The following GOLM2 variants were observed in gnomAD, a reference collection of about 807,000 sequenced individuals.
GOLM2 encodes golgi membrane protein 2.
Under a neutral mutation model 55.9 loss-of-function variants are expected in GOLM2, and 26 were observed. The ratio of observed to expected loss-of-function variants is 0.47; its 90% confidence interval spans 0.34 to 0.65. The LOEUF is 0.65. Ranked by LOEUF, GOLM2 falls within the 30% of genes least tolerant of loss-of-function variation. The probability of loss-of-function intolerance (pLI) is 0.01; values close to 1 mark genes in which losing one functional copy is unlikely to be tolerated. For missense variants in GOLM2, 486 were observed against 531.8 expected (o/e 0.91, Z 0.85); for synonymous variants, 165 against 194.6 (o/e 0.85, Z 1.27).
At chr15:44,369,776 G>A (rs2079317961) in intron 6 of GOLM2, among the ~76,000 whole-genome samples, 1 of 151,026 alleles carries the variant, frequency 6.6e-6, no homozygotes, top group Non-Finnish European at 1.5e-5. Context: ...GGATGACAAA[G>A]CAAGACTCCA....
intron 9 of GOLM2, among the ~76,000 whole-genome samples, chr15:44,403,276 C>T (rs1259093263): frequency 6.6e-6 from 1 of 152,180 alleles, no homozygotes; most frequent in Non-Finnish European, 1.5e-5. Flanking sequence ...GATTCTCCTG[C>T]CTCAGCCTCC....
intron 8 of GOLM2, among the ~76,000 whole-genome samples, chr15:44,392,207 T>A (rs898541303): frequency 6.6e-6 from 1 of 151,612 alleles, no homozygotes; most frequent in Non-Finnish European, 1.5e-5. Flanking sequence ...TTTCAGAGAA[T>A]TGAAAAGGAA....
chr15:44,292,651 T>C (rs1194310407), intron 1 of GOLM2, among the ~76,000 whole-genome samples: 2 of 152,170 alleles, frequency 1.3e-5, no homozygotes, highest in African/African-American at 4.8e-5. Flanking sequence ...CAGCACTTGG[T>C]GTGCCACTTC....
Position 44,288,802 on chromosome 15 carries a change from G to C in GOLM2, c.-228G>C. On this transcript the variant is annotated 5_prime_UTR_variant, in exon 1 of 10. Coordinates refer to ENST00000299957, the MANE Select transcript of GOLM2 (RefSeq NM_138423.4). ...GTTCCCTTGGGCAGGTGCAGGGTCG[G>C]GTTCAAAGCCTCCGGAACGCGTTTT... 3.5e-6 allele frequency: 2 copies of C among 565,538 alleles called. No individual in the cohort carries two copies. Among genetic ancestry groups the C allele is most frequent in the Non-Finnish European group, 6.2e-6 (2 of 321,490 alleles). 35.0% of individuals were successfully genotyped at this position (565,538 alleles called of 1,614,324 possible). A position where few individuals can be genotyped will look rare whatever the true frequency, so the allele number is the denominator to read the frequency against.
intron 1 of GOLM2, among the ~76,000 whole-genome samples, chr15:44,298,209 C>T (rs565338908): frequency 6.6e-6 from 1 of 151,626 alleles, no homozygotes; most frequent in African/African-American, 2.4e-5. Context: ...TCCATGTCCA[C>T]TATGAAGCCC....
At chr15:44,313,091 A>G (rs529677547) in intron 1 of GOLM2, among the ~76,000 whole-genome samples, 3 of 151,170 alleles carry the variant, frequency 2.0e-5, no homozygotes, top group Admixed American at 6.6e-5. Flanking sequence ...AAAAAAAAAA[A>G]TACAAAAATT....
chr15:44,392,538 G>A (rs1412447484), intron 8 of GOLM2, among the ~76,000 whole-genome samples: 2 of 151,692 alleles, frequency 1.3e-5, no homozygotes, highest in African/African-American at 2.4e-5. Context: ...CTGGAGAATC[G>A]CTTGAACCCG....
At chr15:44,337,342 C>T (rs920393203) in intron 4 of GOLM2, among the ~76,000 whole-genome samples, 21 of 151,928 alleles carry the variant, frequency 1.4e-4, no homozygotes, top group Admixed American at 7.2e-4. Context: ...TGAAGAGGCA[C>T]CTGTGTACCA....
intron 1 of GOLM2, among the ~76,000 whole-genome samples, chr15:44,322,545 T>C (rs1300760857): frequency 6.6e-6 from 1 of 152,212 alleles, no homozygotes; most frequent in African/African-American, 2.4e-5. Context: ...GTTAGTTCCC[T>C]GTCTACGAGG....
chr15:44,313,874 G>T (rs1446884817), intron 1 of GOLM2, among the ~76,000 whole-genome samples: 1 of 152,000 alleles, frequency 6.6e-6, no homozygotes, highest in Non-Finnish European at 1.5e-5. Flanking sequence ...ATGAATGAGT[G>T]AATGAAAAAA....
intron 6 of GOLM2, among the ~76,000 whole-genome samples, chr15:44,357,168 C>A (rs917089540): frequency 1.3e-5 from 2 of 151,862 alleles, no homozygotes; most frequent in African/African-American, 4.8e-5. Flanking sequence ...TCCCCACCAC[C>A]ACCCGCCCCC....
At chr15:44,318,749 T>G (rs115543160) in intron 1 of GOLM2, among the ~76,000 whole-genome samples, 1,536 of 152,068 alleles carry the variant, frequency 0.01, 25 homozygotes, top group African/African-American at 0.035. Context: ...TTTTACTACC[T>G]TGTTAAAAGA....
At chr15:44,370,983 C>A (rs1009841571) in intron 6 of GOLM2, among the ~76,000 whole-genome samples, 5 of 152,194 alleles carry the variant, frequency 3.3e-5, no homozygotes, top group Admixed American at 2.0e-4. Context: ...CTGTTCAGCT[C>A]TCAGCCCTAT....
intron 6 of GOLM2, among the ~76,000 whole-genome samples, chr15:44,342,464 G>T (rs1477199942): frequency 6.6e-6 from 1 of 151,906 alleles, no homozygotes; most frequent in East Asian, 1.9e-4. Context: ...ACAGGGTGTC[G>T]TTATGTTATC....
chr15:44,328,438 A>G (rs1002203406), intron 2 of GOLM2, among the ~76,000 whole-genome samples: 1 of 152,238 alleles, frequency 6.6e-6, no homozygotes, highest in African/African-American at 2.4e-5. Flanking sequence ...AGATTGCACC[A>G]CTGCACTCTA....
intron 1 of GOLM2, among the ~76,000 whole-genome samples, chr15:44,317,741 A>C (rs1195707580): frequency 6.6e-6 from 1 of 152,166 alleles, no homozygotes; most frequent in Non-Finnish European, 1.5e-5. Context: ...CAGATGCCTC[A>C]AAATCAATAG....
intron 1 of GOLM2, chr15:44,308,531 A>G (rs2078853544): frequency 6.6e-6 from 1 of 152,096 alleles, no homozygotes; most frequent in African/African-American, 2.4e-5. Flanking sequence ...ACGGTGGTGT[A>G]CAAGTATCTG....
chr15:44,332,965 G>T (rs547549485), intron 4 of GOLM2, among the ~76,000 whole-genome samples: 1 of 152,074 alleles, frequency 6.6e-6, no homozygotes, highest in Non-Finnish European at 1.5e-5. Context: ...ATGGAGTCTC[G>T]CTCTGTCGCC....
At chr15:44,326,781 A>G (rs1234735945) in intron 2 of GOLM2, among the ~76,000 whole-genome samples, 2 of 150,884 alleles carry the variant, frequency 1.3e-5, no homozygotes, top group Non-Finnish European at 2.9e-5. Context: ...CTTCCTGAGT[A>G]GCTGGGATTA....
Sources: allele counts gnomAD v4.1 joint callset (sites outside exome capture counted in the v4.1 genomes callset), GRCh38; gene constraint gnomAD v4.1.1; transcripts MANE v1.5; gene names NCBI Gene and HGNC (gene_info 2026-07-23, HGNC 2026-07-21).